The following TACR3 variants were observed in gnomAD, a reference collection of about 807,000 sequenced individuals.
TACR3 encodes the protein tachykinin receptor 3.
In TACR3, 34 loss-of-function variants were observed where a neutral mutation model predicts 35.0. That is an observed-to-expected ratio of 0.97 (90% CI 0.74 to 1.30). The LOEUF (loss-of-function observed/expected upper bound fraction) is 1.30, where lower values mean the gene tolerates loss of function less well. TACR3 is among the 50% of genes most tolerant of loss of function. TACR3 has a pLI of 0.00. For missense variants in TACR3, 558 were observed against 591.7 expected, an observed-to-expected ratio of 0.94 and a Z score of 0.59; for synonymous variants, 233 against 221.1, an observed-to-expected ratio of 1.05 and a Z score of -0.48.
rs376443188 is a variant in TACR3, at chr4:103,644,368, TG to T, written c.888+11825del. 1.3e-4 allele frequency among the ~76,000 whole-genome samples: 20 copies of T among 152,052 alleles called. No individual in the cohort carries two copies. In the East Asian group the frequency reaches 3.9e-3, roughly 29 times the overall value. On this transcript the variant is annotated intron_variant, in intron 3 of 4. Transcript: ENST00000304883. ...AGAAGTTTCAGATGTTTTCTGACTT[TG>T]TTTTGTTTTTAGCTATTTTTCTTTT...
intron 1 of TACR3, among the ~76,000 whole-genome samples, chr4:103,670,313 G>T (rs1263943801): frequency 6.6e-6 from 1 of 151,796 alleles, no homozygotes; most frequent in African/African-American, 2.4e-5. Context: ...TTGGCTATTT[G>T]GGATCTTCTG....
intron 3 of TACR3, among the ~76,000 whole-genome samples, chr4:103,592,436 T>A (rs1183080907): frequency 6.6e-6 from 1 of 152,200 alleles, no homozygotes; most frequent in East Asian, 1.9e-4. Context: ...CAAAGTAGAA[T>A]GTCAGCTGTT....
chr4:103,710,909 C>T (rs894301589), intron 1 of TACR3, among the ~76,000 whole-genome samples: 1 of 152,114 alleles, frequency 6.6e-6, no homozygotes, highest in African/African-American at 2.4e-5. Flanking sequence ...GGATAAATTC[C>T]TGGACACATA....
At chr4:103,718,709 C>A (rs762312240) in intron 1 of TACR3, among the ~76,000 whole-genome samples, 1 of 152,200 alleles carries the variant, frequency 6.6e-6, no homozygotes, top group Non-Finnish European at 1.5e-5. Context: ...TTTACCATTT[C>A]TCTGCCAGAA....
At position 103,719,387 on chromosome 4, in the gene TACR3, C is replaced by T; in HGVS notation, c.289G>A (p.Ala97Thr). The change falls in exon 1 of 5, where the codon GCA becomes ACA. Residue 97 changes from alanine (A) to threonine (T), a missense_variant. Ala to Thr is a moderately conservative substitution (Grantham distance 58). Coordinates refer to ENST00000304883, the MANE Select transcript of TACR3 (RefSeq NM_001059.3). ...LWSLAYGVVV[A>T]VAVLGNLIVI... ...ATGAGATTTCCCAAAACTGCCACTGCCACCACCACACCATACGCCAGGGAC... is the reference window on the plus strand; with the variant it reads ...ATGAGATTTCCCAAAACTGCCACTGTCACCACCACACCATACGCCAGGGAC... 6.2e-7 allele frequency: 1 copy of T among 1,614,226 alleles called. No individual in the cohort carries two copies. Among genetic ancestry groups the T allele is most frequent in the Non-Finnish European group, 8.5e-7 (1 of 1,180,042 alleles).
intron 1 of TACR3, among the ~76,000 whole-genome samples, chr4:103,704,560 G>A (rs1722743793): frequency 1.3e-5 from 2 of 152,178 alleles, no homozygotes; most frequent in South Asian, 4.1e-4. Context: ...GCAAGCAAGA[G>A]CAGGGAAAAC....
intron 3 of TACR3, among the ~76,000 whole-genome samples, chr4:103,620,174 G>T (rs1389427894): frequency 6.6e-6 from 1 of 152,124 alleles, no homozygotes; most frequent in East Asian, 1.9e-4. Flanking sequence ...TCAGAGAAAT[G>T]CAAATTAAAG....
chr4:103,651,107 C>T (rs150331563), intron 3 of TACR3, among the ~76,000 whole-genome samples: 10 of 147,414 alleles, frequency 6.8e-5, no homozygotes, highest in African/African-American at 2.0e-4. Flanking sequence ...GAGCAGGTGG[C>T]GAAGCCAGCC....
intron 1 of TACR3, among the ~76,000 whole-genome samples, chr4:103,701,165 A>C (rs1722640801): frequency 6.6e-6 from 1 of 152,046 alleles, no homozygotes; most frequent in African/African-American, 2.4e-5. Context: ...GTCTCAGCCC[A>C]AAATCTCCTC....
At chr4:103,622,856 G>A (rs534000822) in intron 3 of TACR3, among the ~76,000 whole-genome samples, 221 of 152,234 alleles carry the variant, frequency 1.5e-3, no homozygotes, top group African/African-American at 5.0e-3. Context: ...CAGACCCAGA[G>A]GAGACTAATG....
chr4:103,654,389 C>A lies in TACR3; in HGVS notation c.888+1805G>T, dbSNP rs1385172585. On this transcript the variant is annotated intron_variant, in intron 3 of 4. Coordinates refer to ENST00000304883, the MANE Select transcript of TACR3 (RefSeq NM_001059.3). ...GCCATAAAAAATGATGAGTTCATGT[C>A]CTTTGTAGTGACATGGATGAAACTG... Among the ~76,000 whole-genome samples, 8 of 139,570 alleles carry A rather than the reference C, an allele frequency of 5.7e-5. No individual in the cohort carries two copies. In the South Asian group the frequency reaches 1.8e-3, roughly 31 times the overall value. 91.6% of individuals were successfully genotyped at this position (139,570 alleles called of 152,430 possible).
intron 3 of TACR3, among the ~76,000 whole-genome samples, chr4:103,629,854 AAAAAAAC>A (rs1560813986): frequency 1.1e-4 from 13 of 116,348 alleles, no homozygotes; most frequent in African/African-American, 2.1e-4. Context: ...GCAAAACAAA[AAAAAAAC>A]AAAAAAAAAA....
intron 3 of TACR3, among the ~76,000 whole-genome samples, chr4:103,627,020 T>TA (rs1192359662): frequency 0.056 from 7,733 of 137,506 alleles, 665 homozygotes; most frequent in African/African-American, 0.19. Flanking sequence ...GAAAAATAAA[T>TA]AAAAAAAAAA....
chr4:103,635,033 A>G lies in TACR3; in HGVS notation c.888+21161T>C, dbSNP rs147049363. ...AGATTCTGAGCTAGTTTCAGTCTCCATATAGCTTGCTTGCCTCACCATTTG... is the reference window on the plus strand; with the variant it reads ...AGATTCTGAGCTAGTTTCAGTCTCCGTATAGCTTGCTTGCCTCACCATTTG... On this transcript the variant is annotated intron_variant, in intron 3 of 4. Coordinates refer to ENST00000304883, the MANE Select transcript of TACR3 (RefSeq NM_001059.3). Among the ~76,000 whole-genome samples the G allele has an allele frequency of 2.9e-3, 442 of 152,146 alleles. 3 individuals carry two copies. Among genetic ancestry groups the G allele is most frequent in the Admixed American group, 7.4e-3 (113 of 15,238 alleles).
intron 3 of TACR3, among the ~76,000 whole-genome samples, chr4:103,599,675 A>C (rs575760420): frequency 1.3e-5 from 2 of 152,202 alleles, no homozygotes; most frequent in South Asian, 4.1e-4. Flanking sequence ...GTGCTGTTGA[A>C]TTTTGTCAAA....
intron 3 of TACR3, among the ~76,000 whole-genome samples, chr4:103,638,327 C>T (rs964603750): frequency 3.3e-5 from 5 of 151,578 alleles, no homozygotes; most frequent in African/African-American, 1.2e-4. Context: ...CTGACAAAAA[C>T]AAGAAATGGG....
chr4:103,680,358 G>GA (rs1726264149), intron 1 of TACR3, among the ~76,000 whole-genome samples: 2 of 150,578 alleles, frequency 1.3e-5, no homozygotes, highest in Non-Finnish European at 3.0e-5. Context: ...CTTGTTTGGA[G>GA]AAAAAAAATC....
chr4:103,683,404 C>T (rs1372974587), intron 1 of TACR3, among the ~76,000 whole-genome samples: 2 of 102,346 alleles, frequency 2.0e-5, no homozygotes, highest in Non-Finnish European at 3.8e-5. Context: ...GAAAGAAAAT[C>T]AGTGAATCCA....
intron 1 of TACR3, among the ~76,000 whole-genome samples, chr4:103,660,529 A>AACACACACAC (rs143828536): frequency 6.0e-5 from 9 of 150,500 alleles, no homozygotes; most frequent in African/African-American, 2.0e-4. Flanking sequence ...AAGTGTTCTT[A>AACACACACAC]ACACACACAC....
Sources: allele counts gnomAD v4.1 joint callset (sites outside exome capture counted in the v4.1 genomes callset), GRCh38; gene constraint gnomAD v4.1.1; transcripts MANE v1.5; gene names NCBI Gene and HGNC (gene_info 2026-07-23, HGNC 2026-07-21).